DLGAP2: variants seen among roughly 807,000 people sequenced by gnomAD.
DLGAP2 encodes DLG associated protein 2.
Under a neutral mutation model 100.3 loss-of-function variants are expected in DLGAP2, and 26 were observed. That is an observed-to-expected ratio of 0.26 (90% CI 0.19 to 0.36). DLGAP2 has a LOEUF of 0.36. DLGAP2 is among the 10% of genes least tolerant of loss of function. The pLI, the probability that DLGAP2 is intolerant of heterozygous loss-of-function variation, is 1.00. For missense variants in DLGAP2, 1,858 were observed against 1,453.2 expected (o/e 1.28, Z -4.53); for synonymous variants, 886 against 630.1 (o/e 1.41, Z -6.08).
intron 13 of DLGAP2, among the ~76,000 whole-genome samples, chr8:1,695,470 C>T (rs1799370859): frequency 1.4e-5 from 2 of 144,728 alleles, no homozygotes; most frequent in South Asian, 4.3e-4. Context: ...CCATGCCTGG[C>T]ACTACAGAAA....
chr8:1,175,897 G>A (rs1797242249), intron 2 of DLGAP2, among the ~76,000 whole-genome samples: 1 of 152,202 alleles, frequency 6.6e-6, no homozygotes, highest in South Asian at 2.1e-4. Context: ...ACATAGCCAT[G>A]GGGAGGTCGC....
chr8:1,473,045 C>G (rs1018664762), intron 3 of DLGAP2, among the ~76,000 whole-genome samples: 8 of 152,292 alleles, frequency 5.3e-5, no homozygotes, highest in African/African-American at 1.2e-4. Context: ...ATTCTCCTGC[C>G]TCAGTCTCCC....
intron 1 of DLGAP2, among the ~76,000 whole-genome samples, chr8:806,445 G>A (rs1276920837): frequency 2.0e-5 from 3 of 152,194 alleles, no homozygotes; most frequent in East Asian, 1.9e-4. Context: ...GATCCAATGC[G>A]CACCTGGAGA....
At chr8:1,535,187 C>T (rs142382586) in intron 4 of DLGAP2, among the ~76,000 whole-genome samples, 108 of 152,276 alleles carry the variant, frequency 7.1e-4, no homozygotes, top group African/African-American at 2.5e-3. Flanking sequence ...GGGTAGTGGC[C>T]GCCTCTGTGA....
intron 2 of DLGAP2, among the ~76,000 whole-genome samples, chr8:1,181,509 C>T (rs530269678): frequency 6.6e-6 from 1 of 152,012 alleles, no homozygotes; most frequent in African/African-American, 2.4e-5. Context: ...CTGACAGGCA[C>T]CGAGAGGGAC....
At chr8:1,320,234 G>T (rs953151626) in intron 3 of DLGAP2, among the ~76,000 whole-genome samples, 1 of 152,028 alleles carries the variant, frequency 6.6e-6, no homozygotes, top group Non-Finnish European at 1.5e-5. Context: ...TGATTTGCAG[G>T]GGAAAGTTAT....
At chr8:1,606,751 C>T (rs1488934584) in intron 6 of DLGAP2, among the ~76,000 whole-genome samples, 4 of 152,116 alleles carry the variant, frequency 2.6e-5, no homozygotes, top group Non-Finnish European at 4.4e-5. Context: ...GGCACAATCT[C>T]GGCTCACTAC....
intron 2 of DLGAP2, among the ~76,000 whole-genome samples, chr8:1,105,791 G>GA (rs1804740769): frequency 6.6e-6 from 1 of 150,494 alleles, no homozygotes; most frequent in African/African-American, 2.4e-5. Context: ...GTTTTCTACT[G>GA]AGAGGAGCCA....
At chr8:812,394 C>G (rs1396733219) in intron 1 of DLGAP2, among the ~76,000 whole-genome samples, 2 of 152,168 alleles carry the variant, frequency 1.3e-5, no homozygotes, top group Non-Finnish European at 2.9e-5. Flanking sequence ...CTCCCAGCCT[C>G]TTGTGTACGG....
At chr8:1,450,556 G>A (rs1262943566) in intron 3 of DLGAP2, among the ~76,000 whole-genome samples, 1 of 152,068 alleles carries the variant, frequency 6.6e-6, no homozygotes, top group African/African-American at 2.4e-5. Flanking sequence ...CTGCGGGGCT[G>A]GCAGGACTCG....
chr8:1,526,953 C>T (rs1044490016), intron 4 of DLGAP2, among the ~76,000 whole-genome samples: 3 of 152,216 alleles, frequency 2.0e-5, no homozygotes, highest in Non-Finnish European at 4.4e-5. Flanking sequence ...GGTGTGGCCT[C>T]GAGTTAGGCT....
intron 4 of DLGAP2, among the ~76,000 whole-genome samples, chr8:1,517,584 C>A (rs1252973804): frequency 6.6e-6 from 1 of 152,164 alleles, no homozygotes; most frequent in Non-Finnish European, 1.5e-5. Flanking sequence ...TCAGTGCTCT[C>A]CCCATCCACC....
At chr8:1,294,883 C>G (rs61029772) in intron 3 of DLGAP2, among the ~76,000 whole-genome samples, 3 of 139,254 alleles carry the variant, frequency 2.2e-5, no homozygotes, top group East Asian at 4.3e-4. Flanking sequence ...CAAAAAAAAA[C>G]AAAACTTTTT....
At chr8:1,657,717 G>A (rs1798315782) in intron 8 of DLGAP2, among the ~76,000 whole-genome samples, 1 of 152,156 alleles carries the variant, frequency 6.6e-6, no homozygotes, top group Non-Finnish European at 1.5e-5. Context: ...ATTTCTTAAT[G>A]TTAATCTCTA....
intron 3 of DLGAP2, among the ~76,000 whole-genome samples, chr8:1,356,950 G>A (rs574723703): frequency 6.6e-5 from 10 of 152,192 alleles, no homozygotes; most frequent in Admixed American, 4.6e-4. Flanking sequence ...GCAAACCCGC[G>A]AGCAGCTGCG....
At chr8:1,695,160 G>A (rs930823992) in intron 13 of DLGAP2, among the ~76,000 whole-genome samples, 2 of 152,250 alleles carry the variant, frequency 1.3e-5, no homozygotes, top group Non-Finnish European at 2.9e-5. Flanking sequence ...GGGCGAGGGA[G>A]GAGAAGCCAC....
chr8:1,455,279 TTC>T (rs1360192651), intron 3 of DLGAP2, among the ~76,000 whole-genome samples: 1 of 152,218 alleles, frequency 6.6e-6, no homozygotes, highest in African/African-American at 2.4e-5. Flanking sequence ...CAGGCACTGA[TTC>T]TCATGCGCTG....
chr8:1,689,055 C>CGTAACTGTGCAATGTGTGCAATGAATCA, intron 12 of DLGAP2, among the ~76,000 whole-genome samples: 1 of 152,278 alleles, frequency 6.6e-6, no homozygotes, highest in South Asian at 2.1e-4. Context: ...ATGAATCTCA[C>CGTAACTGTGCAATGTGTGCAATGAATCA]CAGTAACTGT....
At chr8:865,753 C>T (rs1242262320) in intron 1 of DLGAP2, among the ~76,000 whole-genome samples, 1 of 152,166 alleles carries the variant, frequency 6.6e-6, no homozygotes, top group East Asian at 1.9e-4. Flanking sequence ...CCATGGAGCC[C>T]TTTTCTCTCC....
Sources: gnomAD v4.1 joint callset for allele counts (sites outside exome capture counted in the v4.1 genomes callset) on GRCh38, gnomAD v4.1.1 for gene constraint, MANE v1.5 for transcripts, NCBI Gene and HGNC (gene_info 2026-07-23, HGNC 2026-07-21) for gene names.